Variants in LEPR observed in about 807,000 individuals in gnomAD.
The protein encoded by LEPR is leptin receptor, also known as OB receptor.
In LEPR, 56 loss-of-function variants were observed where a neutral mutation model predicts 114.7. The observed-to-expected ratio is 0.49, with a 90% CI of 0.39 to 0.61. LEPR has a LOEUF of 0.61. LEPR is among the 20% of genes least tolerant of loss of function. LEPR has a pLI of 0.00. For synonymous variants in LEPR, 443 were observed against 461.4 expected (o/e 0.96, Z 0.51); for missense variants, 1,202 against 1,352.9 (o/e 0.89, Z 1.75).
At chr1:65,534,676 A>T (rs915541519) in intron 2 of LEPR, among the ~76,000 whole-genome samples, 1 of 152,222 alleles carries the variant, frequency 6.6e-6, no homozygotes, top group Admixed American at 6.5e-5. Context: ...GTGAGTGCAC[A>T]TAAGTACAAG....
intron 19 of LEPR, among the ~76,000 whole-genome samples, chr1:65,630,008 G>T (rs1001518250): frequency 3.3e-5 from 5 of 152,032 alleles, no homozygotes; most frequent in Admixed American, 1.3e-4. Flanking sequence ...ATCTCTCCAT[G>T]CCTGAACTGC....
Position 65,633,343 on chromosome 1 carries a change from T to C in LEPR, c.2674-2848T>C. The C allele has an allele frequency of 7.5e-7, 1 of 1,339,450 alleles. No individual in the cohort carries two copies. The highest frequency in any genetic ancestry group is 9.6e-7 in the Non-Finnish European group (1 of 1,045,602). 83.0% of individuals were successfully genotyped at this position (1,339,450 alleles called of 1,614,324 possible). ...GTTGATTTAGAACTTAAAATAGATGTGTAAATTTGGGTTCAAAATGTAGAT... is the reference window on the plus strand; with the variant it reads ...GTTGATTTAGAACTTAAAATAGATGCGTAAATTTGGGTTCAAAATGTAGAT... On this transcript the variant is annotated intron_variant, in intron 19 of 19. Transcript: ENST00000349533. This position sits in a 1 kb window ranked among gnomAD's most constrained non-coding sequence, Gnocchi z 4.1.
chr1:65,421,453 T>A (rs1373111900), intron 1 of LEPR: 1 of 1,536,102 alleles, frequency 6.5e-7, no homozygotes, highest in Non-Finnish European at 8.7e-7. Context: ...AGGCTTCCTG[T>A]ATTTTGGTAG....
chr1:65,488,213 TC>T (rs371587524), intron 2 of LEPR, among the ~76,000 whole-genome samples: 3,677 of 33,596 alleles, frequency 0.11, 151 homozygotes, highest in Non-Finnish European at 0.12. Flanking sequence ...TCTTTCTTTC[TC>T]TCTCTCTCTC....
At chr1:65,521,351 G>T (rs1331717703) in intron 2 of LEPR, among the ~76,000 whole-genome samples, 1 of 152,176 alleles carries the variant, frequency 6.6e-6, no homozygotes, top group Non-Finnish European at 1.5e-5. Flanking sequence ...ACAGCCATCT[G>T]ACTCAAAGGC....
chr1:65,610,221 G>C lies in LEPR; in HGVS notation c.1920G>C (p.Met640Ile). Residue 640 changes from methionine to isoleucine, a missense_variant, in exon 14 of 20, where the codon ATG becomes ATC. Met to Ile is a conservative substitution (Grantham distance 10). Coordinates refer to ENST00000349533, the MANE Select transcript of LEPR (RefSeq NM_002303.6). ...CAACTTGTCATTTTGCAGTTCCTATGAGAGGACCTGAATTTTGGAGAATAA... is the reference window on the plus strand; with the variant it reads ...CAACTTGTCATTTTGCAGTTCCTATCAGAGGACCTGAATTTTGGAGAATAA... Reference protein sequence around the residue: ...YTVVMDIKVPMRGPEFWRIIN... With the variant: ...YTVVMDIKVPIRGPEFWRIIN... 3.1e-6 allele frequency: 5 copies of C among 1,614,026 alleles called. No individual in the cohort carries two copies. Among genetic ancestry groups the C allele is most frequent in the Non-Finnish European group, 4.2e-6 (5 of 1,179,932 alleles).
chr1:65,566,181 A>T (rs1026191857), intron 3 of LEPR, among the ~76,000 whole-genome samples: 1 of 151,732 alleles, frequency 6.6e-6, no homozygotes, highest in Non-Finnish European at 1.5e-5. Context: ...TATTTGGAAA[A>T]ATATTTCTGT....
rs1238380345 is a variant in LEPR, at chr1:65,452,427, G to C, written c.-21+27049G>C. 4.5e-3 allele frequency among the ~76,000 whole-genome samples: 674 copies of C among 151,106 alleles called. 5 individuals are homozygous for C. The highest frequency in any genetic ancestry group is 0.016 in the African/African-American group (649 of 41,046). On this transcript the variant is annotated intron_variant, in intron 2 of 19. Transcript: ENST00000349533. ...ATTGGCTGTGGGTTTGTCATAGATA[G>C]CTCTTATTATTTTGAGATACGTCCC... is the stretch of plus-strand genomic sequence containing the variant.
chr1:65,627,360 G>A (rs1380627530), intron 19 of LEPR, among the ~76,000 whole-genome samples: 1 of 152,130 alleles, frequency 6.6e-6, no homozygotes, highest in Non-Finnish European at 1.5e-5. Context: ...AAATAGCCAA[G>A]AAGCACAAAT....
chr1:65,603,933 T>C (rs893836552), intron 10 of LEPR, among the ~76,000 whole-genome samples: 1 of 152,130 alleles, frequency 6.6e-6, no homozygotes, highest in African/African-American at 2.4e-5. Context: ...CTGAAATTGG[T>C]ATTATATTAA....
rs537419855 is a variant in LEPR, at chr1:65,525,998, G to T, written c.-20-39548G>T. The T allele has an allele frequency of 6.2e-5, 47 of 756,904 alleles. No individual in the cohort carries two copies. The African/African-American group carries it at 8.8e-4, about 14-fold the overall frequency. The allele number at this position is 756,904 out of a possible 1,614,324, so 46.9% of individuals were successfully genotyped here. ...GGGGCCAGCGCCCGGCGGGCGGCGG[G>T]GGTGGGGTGGGTGCGACGCCGGGCG... On this transcript the variant is annotated intron_variant, in intron 2 of 19. Transcript: ENST00000349533.
intron 19 of LEPR, among the ~76,000 whole-genome samples, chr1:65,625,692 G>A (rs1658163728): frequency 6.6e-6 from 1 of 152,088 alleles, no homozygotes; most frequent in South Asian, 2.1e-4. Flanking sequence ...TTACATTTGG[G>A]CCAAGATCTG....
intron 2 of LEPR, among the ~76,000 whole-genome samples, chr1:65,440,015 A>G (rs1408863522): frequency 6.7e-6 from 1 of 150,230 alleles, no homozygotes; most frequent in African/African-American, 2.4e-5. Flanking sequence ...AAAAAAAAAA[A>G]AAAAAAAAAG....
At chr1:65,596,723 C>G in intron 7 of LEPR, 130 bp downstream of exon 7, 1 of 791,288 alleles carries the variant, frequency 1.3e-6, no homozygotes, top group Non-Finnish European at 2.0e-6. Flanking sequence ...TATAATTCAA[C>G]ATTTCATATT....
At chr1:65,623,026 A>G in intron 19 of LEPR, 45 bp downstream of exon 19, 1 of 1,569,718 alleles carries the variant, frequency 6.4e-7, no homozygotes, top group Non-Finnish European at 8.8e-7. Flanking sequence ...TACGATTGCA[A>G]TCTAGACGCC....
chr1:65,585,322 G>A (rs1373644758), intron 5 of LEPR, among the ~76,000 whole-genome samples: 2 of 151,972 alleles, frequency 1.3e-5, no homozygotes, highest in Non-Finnish European at 2.9e-5. Context: ...AGAAAATTAG[G>A]TGGCACCAAT....
chr1:65,451,673 T>G (rs1257836441), intron 2 of LEPR, among the ~76,000 whole-genome samples: 1 of 152,228 alleles, frequency 6.6e-6, no homozygotes, highest in African/African-American at 2.4e-5. Flanking sequence ...CTGTTTTGGT[T>G]ACTGTAGCCT....
At chr1:65,554,374 G>C (rs1047762253) in intron 2 of LEPR, among the ~76,000 whole-genome samples, 4 of 152,172 alleles carry the variant, frequency 2.6e-5, no homozygotes, top group Non-Finnish European at 5.9e-5. Flanking sequence ...ATAAGCCCCT[G>C]ACTGGGGCTG....
At chr1:65,634,889 C>T (rs988205823) in intron 19 of LEPR, 3 of 790,318 alleles carry the variant, frequency 3.8e-6, no homozygotes, top group Admixed American at 6.3e-5. Context: ...AAAAAAAAAA[C>T]AGGCATAGGA....
Sources: allele counts gnomAD v4.1 joint callset (sites outside exome capture counted in the v4.1 genomes callset), GRCh38; gene constraint gnomAD v4.1.1; non-coding constraint Gnocchi (gnomAD v3.1); transcripts MANE v1.5; gene names NCBI Gene and HGNC (gene_info 2026-07-23, HGNC 2026-07-21).